The following FGFR2 variants were observed in gnomAD, a reference collection of about 807,000 sequenced individuals.
FGFR2 encodes fibroblast growth factor receptor 2.
In FGFR2, 19 loss-of-function variants were observed where a neutral mutation model predicts 95.9. That is an observed-to-expected ratio of 0.20 (90% CI 0.14 to 0.29). FGFR2 has a LOEUF of 0.29. Ranked by LOEUF, FGFR2 falls within the 10% of genes least tolerant of loss-of-function variation. The pLI is 1.00. For missense variants in FGFR2, 707 were observed against 1,056.9 expected, an observed-to-expected ratio of 0.67 and a Z score of 4.59; for synonymous variants, 392 against 393.3, an observed-to-expected ratio of 1.00 and a Z score of 0.04.
At chr10:121,482,297 C>T (rs530344941) in intron 17 of FGFR2, 1 of 801,032 alleles carries the variant, frequency 1.2e-6, no homozygotes, top group African/African-American at 1.7e-5. Context: ...TTGAACCGTT[C>T]CTTTCCTTTC....
chr10:121,576,059 C>T (rs927145508), intron 2 of FGFR2, among the ~76,000 whole-genome samples: 1 of 151,530 alleles, frequency 6.6e-6, no homozygotes, highest in East Asian at 1.9e-4. Flanking sequence ...TGGTGGCACA[C>T]GCCTGTAATC....
At chr10:121,533,824 G>A (rs1477273920) in intron 6 of FGFR2, among the ~76,000 whole-genome samples, 1 of 152,148 alleles carries the variant, frequency 6.6e-6, no homozygotes, top group African/African-American at 2.4e-5. Flanking sequence ...CCCAGCTCCA[G>A]AATGCCTGCT....
At chr10:121,575,181 G>A (rs1859524424) in intron 2 of FGFR2, among the ~76,000 whole-genome samples, 1 of 152,156 alleles carries the variant, frequency 6.6e-6, no homozygotes, top group Non-Finnish European at 1.5e-5. Context: ...AAACATGCTG[G>A]ATGGCTCTTC....
Position 121,502,376 on chromosome 10 carries a change from G to C in FGFR2, c.1439+1414C>G, listed in dbSNP as rs183370112. On this transcript the variant is annotated intron_variant, in intron 10 of 17. Coordinates refer to ENST00000358487, the MANE Select transcript of FGFR2 (RefSeq NM_000141.5). The stretch of plus-strand genomic sequence containing the variant: ...ACATGCCTTGAGTGAATGAATAAGT[G>C]AATGAGTGAGTGGTCTTTTCACTAC... 1.3e-3 allele frequency among the ~76,000 whole-genome samples: 201 copies of C among 152,312 alleles called. 1 individual carries two copies. The highest frequency in any genetic ancestry group is 4.5e-3 in the African/African-American group (185 of 41,572).
intron 6 of FGFR2, among the ~76,000 whole-genome samples, chr10:121,522,254 T>G (rs1263093405): frequency 6.6e-6 from 1 of 152,184 alleles, no homozygotes; most frequent in Non-Finnish European, 1.5e-5. Context: ...TATTGTACAC[T>G]GAAAACTTAG....
chr10:121,527,726 C>G (rs1165344848), intron 6 of FGFR2: 2 of 152,176 alleles, frequency 1.3e-5, no homozygotes, highest in African/African-American at 4.8e-5. Context: ...TCAGTGAGAG[C>G]TTTTCTATCT....
intron 4 of FGFR2, among the ~76,000 whole-genome samples, chr10:121,556,461 C>G (rs1226313988): frequency 6.7e-6 from 1 of 149,696 alleles, no homozygotes; most frequent in Non-Finnish European, 1.5e-5. Context: ...GAACACGGCC[C>G]AATGATTTAA....
chr10:121,504,669 A>C (rs541167145), intron 9 of FGFR2, among the ~76,000 whole-genome samples: 14 of 152,320 alleles, frequency 9.2e-5, no homozygotes, highest in Admixed American at 1.3e-4. Flanking sequence ...AATGGAAAGA[A>C]AATACACCTT....
At chr10:121,525,957 GTTAGGCAGTAC>G (rs1851309844) in intron 6 of FGFR2, among the ~76,000 whole-genome samples, 1 of 152,012 alleles carries the variant, frequency 6.6e-6, no homozygotes, top group Non-Finnish European at 1.5e-5. Context: ...CTCCCCAAAA[GTTAGGCAGTAC>G]TTGCCACAAA....
chr10:121,506,357 CAAAA>C (rs10678814), intron 9 of FGFR2, among the ~76,000 whole-genome samples: 1 of 101,174 alleles, frequency 9.9e-6, no homozygotes, highest in Non-Finnish European at 1.8e-5. Context: ...GACTCCGTCT[CAAAA>C]AAAAAAAAAA....
intron 9 of FGFR2, among the ~76,000 whole-genome samples, chr10:121,511,400 C>T (rs1849043224): frequency 6.6e-6 from 1 of 152,194 alleles, no homozygotes. Flanking sequence ...CCTAAACAGG[C>T]ATCCTCAGTT....
chr10:121,489,027 T>C (rs1359801891), intron 13 of FGFR2, among the ~76,000 whole-genome samples: 5 of 152,132 alleles, frequency 3.3e-5, no homozygotes, highest in African/African-American at 1.2e-4. Flanking sequence ...GCTATTGATT[T>C]CTTGCTTGTT....
In FGFR2 at chr10:121,552,748, T is replaced by C. The variant is rs1376893076; in HGVS notation, c.455-1289A>G. On this transcript the variant is annotated intron_variant, in intron 4 of 17. Coordinates refer to ENST00000358487, the MANE Select transcript of FGFR2 (RefSeq NM_000141.5). ...ACAGCAATTTAACTATTCACATATA[T>C]GTTTCTGTCTTAGCAAAGTAGTAAC... is the stretch of plus-strand genomic sequence containing the variant. 2.6e-5 allele frequency among the ~76,000 whole-genome samples: 4 copies of C among 152,254 alleles called. No individual in the cohort carries two copies. In the East Asian group the frequency reaches 7.7e-4, roughly 29 times the overall value.
chr10:121,578,609 C>T (rs553894296), intron 2 of FGFR2, among the ~76,000 whole-genome samples: 48 of 152,378 alleles, frequency 3.2e-4, no homozygotes, highest in South Asian at 2.1e-3. Context: ...CTTGCTCCCA[C>T]TTCCAAAGAT....
chr10:121,596,028 C>T (rs533458322), intron 1 of FGFR2, among the ~76,000 whole-genome samples: 3 of 152,368 alleles, frequency 2.0e-5, no homozygotes, highest in African/African-American at 7.2e-5. Context: ...ATTAGGTCCC[C>T]AGGCTCGGTG....
At position 121,515,150 on chromosome 10, in the gene FGFR2, C is replaced by A. The variant is rs771248107; in HGVS notation, c.1254G>T (p.Leu418=). ...GTCTCCGCAGGGGGATACGTTTGGTCAGCTTGTGCACAGCCGGCTGGCTGC... is the reference window on the plus strand; with the variant it reads ...GTCTCCGCAGGGGGATACGTTTGGTAAGCTTGTGCACAGCCGGCTGGCTGC... ...DFSSQPAVHK[L]TKRIPLRRQV... is the part of the protein sequence containing the mutation. Residue 418 remains leucine, a synonymous_variant, in exon 9 of 18, where the codon CTG becomes CTT. Transcript: ENST00000358487. 3.1e-6 allele frequency: 5 copies of A among 1,614,064 alleles called. No homozygotes were observed. Among genetic ancestry groups the A allele is most frequent in the Non-Finnish European group, 4.2e-6 (5 of 1,180,042 alleles).
Position 121,593,959 on chromosome 10 carries a change from C to G in FGFR2, c.-142G>C. 1.3e-6 allele frequency: 1 copy of G among 757,652 alleles called. No individual in the cohort carries two copies. The allele number at this position is 757,652 out of a possible 1,614,324, so 46.9% of individuals were successfully genotyped here. On this transcript the variant is annotated 5_prime_UTR_variant, in exon 2 of 18. Coordinates refer to ENST00000358487, the MANE Select transcript of FGFR2 (RefSeq NM_000141.5). Reference sequence around the variant, plus strand: ...AGGAACCGAGGCGCTGCCGCTGCTGCTGCAGTCACTAAAGGAAAGAGATTG... The same window carrying G: ...AGGAACCGAGGCGCTGCCGCTGCTGGTGCAGTCACTAAAGGAAAGAGATTG...
chr10:121,585,570 C>T (rs1861695484), intron 2 of FGFR2, among the ~76,000 whole-genome samples: 1 of 152,212 alleles, frequency 6.6e-6, no homozygotes, highest in Non-Finnish European at 1.5e-5. Flanking sequence ...GAGAGGTTAT[C>T]TAACTTTTCT....
rs766869457 is a variant in FGFR2 at position 121,551,413 on chromosome 10, A to G, written c.501T>C (p.His167=). 214 of 1,614,060 alleles carry G rather than the reference A, an allele frequency of 1.3e-4. No homozygotes were observed. The highest frequency in any genetic ancestry group is 2.1e-4 in the South Asian group (19 of 91,086). The part of the protein sequence containing the change: ...TNTEKMEKRL[H]AVPAANTVKF... Reference sequence around the variant, plus strand: ...TGACAGTGTTGGCCGCAGGCACAGCATGGAGCCGCTTTTCCATCTTTTCTG... The same window carrying G: ...TGACAGTGTTGGCCGCAGGCACAGCGTGGAGCCGCTTTTCCATCTTTTCTG... Residue 167 remains histidine (H), a synonymous_variant, in exon 5 of 18, where the codon CAT becomes CAC. Transcript: ENST00000358487.
Sources: allele counts gnomAD v4.1 joint callset (sites outside exome capture counted in the v4.1 genomes callset), GRCh38; gene constraint gnomAD v4.1.1; transcripts MANE v1.5; gene names NCBI Gene and HGNC (gene_info 2026-07-23, HGNC 2026-07-21).